TMEM132D: variants seen among roughly 807,000 people sequenced by gnomAD.
TMEM132D encodes mature OL transmembrane protein.
Under a neutral mutation model 62.3 loss-of-function variants are expected in TMEM132D, and 21 were observed. That is an observed-to-expected ratio of 0.34 (90% confidence interval 0.24 to 0.49). The LOEUF (loss-of-function observed/expected upper bound fraction) is 0.49, where lower values mean the gene tolerates loss of function less well. Among genes scored for constraint, TMEM132D ranks in the 20% least tolerant of loss-of-function variants. The pLI, the probability that TMEM132D is intolerant of heterozygous loss-of-function variation, is 0.99. For missense variants in TMEM132D, 1,346 were observed against 1,402.8 expected, an observed-to-expected ratio of 0.96 and a Z score of 0.65; for synonymous variants, 621 against 575.6, an observed-to-expected ratio of 1.08 and a Z score of -1.13.
chr12:129,125,103 G>T (rs1876175286), intron 5 of TMEM132D, among the ~76,000 whole-genome samples: 1 of 152,194 alleles, frequency 6.6e-6, no homozygotes, highest in African/African-American at 2.4e-5. Context: ...ATGCTCTTCT[G>T]CAAGTCTGCG....
At chr12:129,877,173 T>TATATTATAATTAA (rs59715068) in intron 1 of TMEM132D, among the ~76,000 whole-genome samples, 1 of 148,418 alleles carries the variant, frequency 6.7e-6, no homozygotes, top group Non-Finnish European at 1.5e-5. Flanking sequence ...AATATTATAT[T>TATATTATAATTAA]TATAATTATG....
chr12:129,894,870 T>A (rs1271450132), intron 1 of TMEM132D, among the ~76,000 whole-genome samples: 2 of 152,180 alleles, frequency 1.3e-5, no homozygotes, highest in Admixed American at 1.3e-4. Flanking sequence ...CAAGTCAGCG[T>A]GTGTGATCTA....
At chr12:129,263,593 A>C (rs1383672134) in intron 4 of TMEM132D, among the ~76,000 whole-genome samples, 1 of 152,076 alleles carries the variant, frequency 6.6e-6, no homozygotes, top group East Asian at 1.9e-4. Context: ...TTAAAGATTA[A>C]GAGAAGATCT....
chr12:129,811,012 A>G (rs1872160386), intron 1 of TMEM132D, among the ~76,000 whole-genome samples: 1 of 151,996 alleles, frequency 6.6e-6, no homozygotes, highest in African/African-American at 2.4e-5. Flanking sequence ...AAATAAAAGC[A>G]AGAACGTGTT....
intron 3 of TMEM132D, among the ~76,000 whole-genome samples, chr12:129,488,908 G>C (rs923282726): frequency 5.3e-5 from 8 of 152,126 alleles, no homozygotes; most frequent in Non-Finnish European, 1.0e-4. Context: ...CAGCCTGCCT[G>C]GGTGATAGAT....
At chr12:129,592,197 C>G (rs1278158719) in intron 2 of TMEM132D, among the ~76,000 whole-genome samples, 1 of 148,294 alleles carries the variant, frequency 6.7e-6, no homozygotes, top group African/African-American at 2.5e-5. Context: ...TAAGAAACTA[C>G]TGAATATAAT....
chr12:129,075,051 G>A lies in TMEM132D; in HGVS notation c.2124C>T (p.Ala708=), dbSNP rs2135605762. 6.2e-7 allele frequency: 1 copy of A among 1,604,248 alleles called. No homozygotes were observed. The highest frequency in any genetic ancestry group is 8.5e-7 in the Non-Finnish European group (1 of 1,176,946). The change falls in exon 9 of 9, where the codon GCC becomes GCT. Residue 708 remains alanine (A), a synonymous_variant. Transcript: ENST00000422113. The stretch of plus-strand genomic sequence containing the variant: ...CACTGAACTGGACCCAGCAACTGAT[G>A]GCTGCTTCCTATGGAGAAAAATATG... The part of the protein sequence containing the change: ...ELLQRPKQEA[A]ISCWVQFSDG...
intron 4 of TMEM132D, among the ~76,000 whole-genome samples, chr12:129,331,983 G>T (rs1447558853): frequency 1.3e-5 from 2 of 152,182 alleles, no homozygotes; most frequent in Non-Finnish European, 2.9e-5. Flanking sequence ...GGCAGAGGCG[G>T]GTGGATTGCT....
At chr12:129,859,977 C>A (rs912482686) in intron 1 of TMEM132D, among the ~76,000 whole-genome samples, 4 of 152,154 alleles carry the variant, frequency 2.6e-5, no homozygotes, top group Non-Finnish European at 5.9e-5. Flanking sequence ...GTATACATCT[C>A]CCCTGTTAGT....
intron 2 of TMEM132D, among the ~76,000 whole-genome samples, chr12:129,613,508 A>G (rs1001999762): frequency 2.0e-5 from 3 of 152,192 alleles, no homozygotes; most frequent in Non-Finnish European, 2.9e-5. Context: ...GCCCAGCAGC[A>G]ATATGTCATT....
chr12:129,902,644 C>T (rs1002467882), intron 1 of TMEM132D, among the ~76,000 whole-genome samples: 1 of 152,128 alleles, frequency 6.6e-6, no homozygotes, highest in South Asian at 2.1e-4. Flanking sequence ...CCTGCGGGGC[C>T]GCTGCTGCTC....
At chr12:129,472,876 T>A (rs910805739) in intron 3 of TMEM132D, among the ~76,000 whole-genome samples, 122 of 148,170 alleles carry the variant, frequency 8.2e-4, no homozygotes, top group East Asian at 2.2e-3. Context: ...ATTTTAAGAC[T>A]TTTTTTTTTT....
chr12:129,174,098 G>T (rs1274528178), intron 5 of TMEM132D, among the ~76,000 whole-genome samples: 4 of 152,046 alleles, frequency 2.6e-5, no homozygotes, highest in Non-Finnish European at 4.4e-5. Flanking sequence ...ACGATGCCCC[G>T]CTTTTCTTTA....
intron 4 of TMEM132D, among the ~76,000 whole-genome samples, chr12:129,238,600 T>C (rs949619128): frequency 6.6e-6 from 1 of 152,232 alleles, no homozygotes; most frequent in Non-Finnish European, 1.5e-5. Context: ...TGTGACTAGT[T>C]CATTTCACTT....
At chr12:129,324,223 T>C (rs1868820334) in intron 4 of TMEM132D, among the ~76,000 whole-genome samples, 1 of 152,204 alleles carries the variant, frequency 6.6e-6, no homozygotes, top group Non-Finnish European at 1.5e-5. Flanking sequence ...TGGTGATTGT[T>C]ACCAGTTTAG....
At chr12:129,127,093 G>C (rs1876234584) in intron 5 of TMEM132D, among the ~76,000 whole-genome samples, 2 of 152,240 alleles carry the variant, frequency 1.3e-5, no homozygotes, top group African/African-American at 2.4e-5. Flanking sequence ...TGCAGTCTGA[G>C]AGCGAGAGAG....
chr12:129,165,574 T>G (rs1446567003), intron 5 of TMEM132D, among the ~76,000 whole-genome samples: 1 of 152,164 alleles, frequency 6.6e-6, no homozygotes, highest in South Asian at 2.1e-4. Context: ...GTCTCTACCC[T>G]GTTTCTCTAA....
At chr12:129,247,313 A>T (rs1880148285) in intron 4 of TMEM132D, among the ~76,000 whole-genome samples, 1 of 152,126 alleles carries the variant, frequency 6.6e-6, no homozygotes, top group Admixed American at 6.5e-5. Context: ...TGCCATGGTG[A>T]GTGTCACGAT....
chr12:129,151,578 G>A (rs139185279), intron 5 of TMEM132D, among the ~76,000 whole-genome samples: 4 of 152,300 alleles, frequency 2.6e-5, no homozygotes, highest in African/African-American at 9.6e-5. Context: ...GTCACGGCGC[G>A]TGTAATATTA....
Sources: gnomAD v4.1 joint callset for allele counts (sites outside exome capture counted in the v4.1 genomes callset) on GRCh38, gnomAD v4.1.1 for gene constraint, MANE v1.5 for transcripts, NCBI Gene and HGNC (gene_info 2026-07-23, HGNC 2026-07-21) for gene names.